NFIC: variants seen among roughly 807,000 people sequenced by gnomAD.
NFIC encodes nuclear factor 1 C-type.
In NFIC, 12 loss-of-function variants were observed where a neutral mutation model predicts 54.4. The ratio of observed to expected loss-of-function variants is 0.22; its 90% CI spans 0.14 to 0.36. The LOEUF is 0.36. Among genes scored for constraint, NFIC ranks in the 10% least tolerant of loss-of-function variants. NFIC has a pLI of 1.00. For synonymous variants in NFIC, 322 were observed against 319.2 expected (o/e 1.01, Z -0.09); for missense variants, 575 against 718.2 (o/e 0.80, Z 2.28).
At chr19:3,401,601 C>CT (rs1268308504) in intron 2 of NFIC, among the ~76,000 whole-genome samples, 1 of 152,232 alleles carries the variant, frequency 6.6e-6, no homozygotes, top group Non-Finnish European at 1.5e-5. Context: ...GCAATCAGGA[C>CT]TTTGTTAGCG....
At chr19:3,363,712 G>A (rs1030564563), upstream of NFIC, among the ~76,000 whole-genome samples, 2 of 152,216 alleles carry the variant, frequency 1.3e-5, no homozygotes, top group African/African-American at 4.8e-5. Context: ...CAGCAGTGGG[G>A]TCTCAGCCAG....
chr19:3,457,292 C>T (rs942422562), intron 10 of NFIC, among the ~76,000 whole-genome samples: 5 of 152,168 alleles, frequency 3.3e-5, no homozygotes, highest in South Asian at 2.1e-4. Context: ...TGAGCATGGC[C>T]GGGGTCCCAC....
chr19:3,384,679 G>A (rs918491628), intron 2 of NFIC, among the ~76,000 whole-genome samples: 2 of 152,112 alleles, frequency 1.3e-5, no homozygotes, highest in African/African-American at 2.4e-5. Context: ...GTGAGCCACC[G>A]CGCCCGGCAG....
chr19:3,440,425 G>T (rs2082275813), intron 6 of NFIC, among the ~76,000 whole-genome samples: 1 of 150,972 alleles, frequency 6.6e-6, no homozygotes, highest in Admixed American at 6.6e-5. Flanking sequence ...CCTGGTCTGG[G>T]CCACTCTTTT....
intron 1 of NFIC, among the ~76,000 whole-genome samples, chr19:3,379,340 G>A (rs1360880773): frequency 4.0e-5 from 6 of 151,384 alleles, no homozygotes; most frequent in Admixed American, 6.6e-5. Context: ...TTACAGGCAT[G>A]AACCACCGCG....
rs1205096925 is a variant in NFIC, at chr19:3,381,786, G to A, written c.105G>A (p.Gln35=). 1.2e-5 allele frequency: 19 copies of A among 1,613,844 alleles called. No homozygotes were observed. The highest frequency in any genetic ancestry group is 1.6e-5 in the Non-Finnish European group (19 of 1,179,972). ...TCGCCTACACCTGGTTCAACCTGCA[G>A]GCGCGGAAGCGCAAGTACTTCAAGA... The part of the protein sequence containing the change: ...RAFAYTWFNL[Q]ARKRKYFKKH... Residue 35 remains glutamine, a synonymous_variant, in exon 2 of 11, where the codon CAG becomes CAA. Coordinates refer to ENST00000443272, the MANE Select transcript of NFIC (RefSeq NM_001245002.2).
chr19:3,425,768 T>A (rs2082017927), intron 3 of NFIC, among the ~76,000 whole-genome samples: 1 of 148,970 alleles, frequency 6.7e-6, no homozygotes, highest in African/African-American at 2.5e-5. Context: ...CCTGTTTGTT[T>A]GTCTTAGAAA....
chr19:3,377,332 T>TAAAA (rs2081125584), intron 1 of NFIC, among the ~76,000 whole-genome samples: 1 of 10,546 alleles, frequency 9.5e-5, no homozygotes, highest in Non-Finnish European at 1.9e-4. Flanking sequence ...AGACTCTGTC[T>TAAAA]CAAAAAAAAA....
intron 6 of NFIC, among the ~76,000 whole-genome samples, chr19:3,436,925 A>G (rs1257343310): frequency 6.6e-6 from 1 of 152,168 alleles, no homozygotes; most frequent in Non-Finnish European, 1.5e-5. Context: ...TCTAAGCCTC[A>G]GTTTCTTCAT....
At chr19:3,382,809 T>C (rs1282950138) in intron 2 of NFIC, among the ~76,000 whole-genome samples, 2 of 151,244 alleles carry the variant, frequency 1.3e-5, no homozygotes, top group Non-Finnish European at 2.9e-5. Context: ...GCAAGTGATA[T>C]GGTGCAAGGA....
intron 3 of NFIC, among the ~76,000 whole-genome samples, chr19:3,429,102 T>C (rs1482271890): frequency 6.9e-6 from 1 of 144,924 alleles, no homozygotes; most frequent in Non-Finnish European, 1.5e-5. Context: ...CTGGGTAATA[T>C]AGCAAGACCC....
In NFIC at chr19:3,453,749, C is replaced by T. The variant is rs887931607; in HGVS notation, c.1270-14C>T. 1 of 1,597,208 alleles carries T rather than the reference C, an allele frequency of 6.3e-7. No individual in the cohort carries two copies. Among genetic ancestry groups the T allele is most frequent in the Middle Eastern group, 1.7e-4 (1 of 6,002 alleles). ...GAGCCCACCCCTTAACCACGTGTCT[C>T]TCTGTTCCCCCAGTTAAATGGAAGT... On this transcript the variant is annotated splice_polypyrimidine_tract_variant and intron_variant, in intron 8 of 10. Coordinates refer to ENST00000443272, the MANE Select transcript of NFIC (RefSeq NM_001245002.2). The surrounding 1 kb of genome is among the most constrained non-coding windows in gnomAD (Gnocchi z 6.7).
intron 1 of NFIC, among the ~76,000 whole-genome samples, chr19:3,380,307 TTC>T: frequency 8.7e-6 from 1 of 115,048 alleles, no homozygotes; most frequent in Non-Finnish European, 1.7e-5. Flanking sequence ...CCCAGCCTTG[TTC>T]TTTTTTTTTT....
chr19:3,366,544 G>A (rs1298104998), upstream of NFIC: 2 of 580,832 alleles, frequency 3.4e-6, no homozygotes, highest in Non-Finnish European at 5.3e-6. Flanking sequence ...CGGGGGGGGG[G>A]GTTGGGGGGG....
In NFIC at chr19:3,453,368, G is replaced by A. The variant is rs1268253862; in HGVS notation, c.1270-395G>A. On this transcript the variant is annotated intron_variant, in intron 8 of 10. Transcript: ENST00000443272. The surrounding 1 kb of genome is among the most constrained non-coding windows in gnomAD (Gnocchi z 6.7). ...AGCTTTGGATGTTCAGAGCTTTTCG[G>A]ACTTTGGAACCACGGGCCAGGCCGT... Among the ~76,000 whole-genome samples the A allele has an allele frequency of 6.6e-6, 1 of 152,212 alleles. No individual in the cohort carries two copies. The highest frequency in any genetic ancestry group is 1.5e-5 in the Non-Finnish European group (1 of 68,050).
At chr19:3,423,945 A>G (rs992389592) in intron 2 of NFIC, among the ~76,000 whole-genome samples, 1 of 152,214 alleles carries the variant, frequency 6.6e-6, no homozygotes. Flanking sequence ...TAAAACGGAC[A>G]TAGTGATAGA....
In NFIC at chr19:3,385,203, C is replaced by T. The variant is rs534222673; in HGVS notation, c.562+2960C>T. ...CCCAATTGGCCCCAGCAGGGCACAC[C>T]CCCCCCCAACCCTCCCACCTGCCCA... On this transcript the variant is annotated intron_variant, in intron 2 of 10. Coordinates refer to ENST00000443272, the MANE Select transcript of NFIC (RefSeq NM_001245002.2). Among the ~76,000 whole-genome samples the T allele has an allele frequency of 5.3e-5, 8 of 150,052 alleles. No individual in the cohort carries two copies. In the South Asian group the frequency reaches 1.7e-3, roughly 32 times the overall value.
chr19:3,398,928 A>C (rs1388422787), intron 2 of NFIC, among the ~76,000 whole-genome samples: 9 of 152,228 alleles, frequency 5.9e-5, no homozygotes, highest in Admixed American at 6.5e-5. Context: ...CAAGGCCGCC[A>C]TTAATGTCGT....
At chr19:3,461,591 G>A (rs938398607) in intron 10 of NFIC, among the ~76,000 whole-genome samples, 1 of 149,904 alleles carries the variant, frequency 6.7e-6, no homozygotes, top group Non-Finnish European at 1.5e-5. Context: ...GGTGTGGTGG[G>A]GCGGGCCTGT....
Sources: allele counts gnomAD v4.1 joint callset (sites outside exome capture counted in the v4.1 genomes callset), GRCh38; gene constraint gnomAD v4.1.1; non-coding constraint Gnocchi (gnomAD v3.1); transcripts MANE v1.5; gene names NCBI Gene and HGNC (gene_info 2026-07-23, HGNC 2026-07-21).